Variants in SLC39A13 observed in about 807,000 individuals in gnomAD.
SLC39A13 encodes zinc transporter ZIP13.
A neutral mutation model predicts 38.7 loss-of-function variants in SLC39A13; 18 were observed. The observed-to-expected ratio is 0.47, with a 90% CI of 0.32 to 0.69. The LOEUF is 0.69. SLC39A13 is among the 30% of genes least tolerant of loss of function. The pLI is 0.03. For synonymous variants in SLC39A13, 212 were observed against 219.1 expected, an observed-to-expected ratio of 0.97 and a Z score of 0.29; for missense variants, 395 against 490.7, an observed-to-expected ratio of 0.80 and a Z score of 1.84.
Position 47,415,643 on chromosome 11 carries a change from T to C in SLC39A13, c.*280T>C. ...ACCTCTCCTTGCCGCCCTGTCACCT[T>C]CACCTCCCGGAGTAAGCAGCGAGGA... is the stretch of plus-strand genomic sequence containing the variant. On this transcript the variant is annotated 3_prime_UTR_variant, in exon 10 of 10. Coordinates refer to ENST00000362021, the MANE Select transcript of SLC39A13 (RefSeq NM_001128225.3). The C allele has an allele frequency of 1.7e-6, 1 of 571,442 alleles. No individual in the cohort carries two copies. The highest frequency in any genetic ancestry group is 3.1e-5 in the East Asian group (1 of 31,782). The allele number at this position is 571,442 out of a possible 1,614,324, so 35.4% of individuals were successfully genotyped here.
Position 47,410,259 on chromosome 11 carries a change from C to CT in SLC39A13, c.166dup (p.Trp56LeufsTer86), listed in dbSNP as rs1565660381. 1.2e-6 allele frequency: 2 copies of CT among 1,614,158 alleles called. No homozygotes were observed. The highest frequency in any genetic ancestry group is 1.7e-6 in the Non-Finnish European group (2 of 1,180,016). On this transcript the variant is annotated frameshift_variant, in exon 2 of 10. Transcript: ENST00000362021. LOFTEE classifies it high-confidence loss of function. ...GCCTGGACAACAAGGAAAGCGAGTC[C>CT]TGGGGGGCTCTGCTGAGCGGAGAGC...
intron 4 of SLC39A13, among the ~76,000 whole-genome samples, chr11:47,413,090 C>A (rs756268768): frequency 6.6e-6 from 1 of 151,470 alleles, no homozygotes; most frequent in South Asian, 2.1e-4. Flanking sequence ...GGCGCGATCT[C>A]GGCTCACTAC....
At position 47,410,211 on chromosome 11, in the gene SLC39A13, C is replaced by T; in HGVS notation, c.117C>T (p.Ser39=). 6.2e-7 allele frequency: 1 copy of T among 1,613,960 alleles called. No individual in the cohort carries two copies. Among genetic ancestry groups the T allele is most frequent in the Non-Finnish European group, 8.5e-7 (1 of 1,180,014 alleles). Residue 39 remains serine (S), a synonymous_variant, in exon 2 of 10, where the codon AGC becomes AGT. Coordinates refer to ENST00000362021, the MANE Select transcript of SLC39A13 (RefSeq NM_001128225.3). The part of the protein sequence containing the change: ...RAGGSQPALR[S]RGTATACRLD... ...GGGGTTCCCAGCCGGCCCTCCGGAG[C>T]CGGGGGACTGCGACGGCCTGTCGCC...
At position 47,416,138 on chromosome 11, in the gene SLC39A13, C is replaced by T. The variant is rs893499229; in HGVS notation, c.*775C>T. 1 of 153,626 alleles carries T rather than the reference C, an allele frequency of 6.5e-6. No individual in the cohort carries two copies. Among genetic ancestry groups the T allele is most frequent in the African/African-American group, 2.4e-5 (1 of 41,460 alleles). 9.5% of individuals were successfully genotyped at this position (153,626 alleles called of 1,614,324 possible). A position where few individuals can be genotyped will look rare whatever the true frequency, so the allele number is the denominator to read the frequency against. ...AGGGATGCTCCTGCCAGCACAGGGG[C>T]CAGGGACTCCTGGAGCAGGCACATA... is the stretch of plus-strand genomic sequence containing the variant. On this transcript the variant is annotated 3_prime_UTR_variant, in exon 10 of 10. Transcript: ENST00000362021.
chr11:47,411,738 CATG>C (rs2153295151), intron 2 of SLC39A13, among the ~76,000 whole-genome samples, 185 bp from the exon 3 acceptor site: 1 of 152,268 alleles, frequency 6.6e-6, no homozygotes, highest in Non-Finnish European at 1.5e-5. Context: ...TTCACCATGA[CATG>C]GTGGTGGCCC....
In SLC39A13 at chr11:47,414,481, C is replaced by T. The variant is rs779162662; in HGVS notation, c.786+6C>T. Reference sequence around the variant, plus strand: ...TGCATGAGATCCCCCATGAGGTGAGCGCTTGTAGGGCAGCCCCCAGGGGCC... The same window carrying T: ...TGCATGAGATCCCCCATGAGGTGAGTGCTTGTAGGGCAGCCCCCAGGGGCC... On this transcript the variant is annotated splice_donor_region_variant and intron_variant, in intron 7 of 9. Transcript: ENST00000362021. The T allele has an allele frequency of 9.9e-5, 160 of 1,611,864 alleles. No homozygotes were observed. The highest frequency in any genetic ancestry group is 9.6e-4 in the South Asian group (87 of 90,648).
rs2096023631 is a variant in SLC39A13, at chr11:47,415,573, G to T, written c.*210G>T. 4.5e-6 allele frequency: 3 copies of T among 666,132 alleles called. No homozygotes were observed. Among genetic ancestry groups the T allele is most frequent in the South Asian group, 1.7e-5 (1 of 58,464 alleles). 41.3% of individuals were successfully genotyped at this position (666,132 alleles called of 1,614,324 possible). A position where few individuals can be genotyped will look rare whatever the true frequency, so the allele number is the denominator to read the frequency against. On this transcript the variant is annotated 3_prime_UTR_variant, in exon 10 of 10. Coordinates refer to ENST00000362021, the MANE Select transcript of SLC39A13 (RefSeq NM_001128225.3). ...GACCGACACTGTGATCCCTGTGCTG[G>T]GTCCGGGGCCCAGTGTAGCGCCTGT...
At chr11:47,408,562 G>A (rs1455684337), upstream of SLC39A13, 4 of 146,444 alleles carry the variant, frequency 2.7e-5, no homozygotes, top group Admixed American at 6.8e-5. Context: ...CGGGCCGGGG[G>A]CCGGGCGGCC....
At chr11:47,413,052 C>T (rs993114698) in intron 4 of SLC39A13, among the ~76,000 whole-genome samples, 5 of 151,812 alleles carry the variant, frequency 3.3e-5, no homozygotes, top group African/African-American at 7.3e-5. Context: ...AGAAGAGTCT[C>T]GCTCTGTCAC....
In SLC39A13 at chr11:47,414,927, G is replaced by C. The variant is rs756758523; in HGVS notation, c.919+18G>C. On this transcript the variant is annotated intron_variant, in intron 8 of 9. Coordinates refer to ENST00000362021, the MANE Select transcript of SLC39A13 (RefSeq NM_001128225.3). ...GGGAGTAGGTACGGGCGTGGCGGGT[G>C]GTTGTGGCGGGTGGCATCAGCAGAG... 3 of 1,604,940 alleles carry C rather than the reference G, an allele frequency of 1.9e-6. No individual in the cohort carries two copies. The highest frequency in any genetic ancestry group is 2.2e-5 in the East Asian group (1 of 44,844).
At position 47,415,053 on chromosome 11, in the gene SLC39A13, G is replaced by T. The variant is rs749499150; in HGVS notation, c.934G>T (p.Ala312Ser). ...SPKGVVGCSP[A>S]AEETAAWVLP... ...TGGGTACCCAGTTGGGTGTTCTCCCGCTGCAGAGGAGACGGCAGCCTGGGT... is the reference window on the plus strand; with the variant it reads ...TGGGTACCCAGTTGGGTGTTCTCCCTCTGCAGAGGAGACGGCAGCCTGGGT... The change falls in exon 9 of 10, where the codon GCT (alanine) becomes TCT (serine). Residue 312 changes from alanine to serine, a missense_variant. Transcript: ENST00000362021. The T allele has an allele frequency of 2.5e-6, 4 of 1,613,286 alleles. No individual in the cohort carries two copies. The highest frequency in any genetic ancestry group is 2.5e-6 in the Non-Finnish European group (3 of 1,179,652).
chr11:47,413,835 G>A, intron 6 of SLC39A13, 149 bp downstream of exon 6: 1 of 869,126 alleles, frequency 1.2e-6, no homozygotes, highest in Non-Finnish European at 1.9e-6. Context: ...TGCTGTCCTG[G>A]CCGCCACTGT....
intron 4 of SLC39A13, 86 bp downstream of exon 4, chr11:47,412,553 G>A (rs1224456049): frequency 5.1e-5 from 82 of 1,600,514 alleles, no homozygotes; most frequent in Non-Finnish European, 6.9e-5. Flanking sequence ...TCTGAGTTGA[G>A]CCCTGAAAAG....
Position 47,416,419 on chromosome 11 carries a change from AG to A in SLC39A13, c.*1057del. ...CATCGAGAGGTCTGGATGGTTTTAT[AG>A]CAACTTTGCTGTGATTCCGTTTGTA... is the stretch of plus-strand genomic sequence containing the variant. On this transcript the variant is annotated 3_prime_UTR_variant, in exon 10 of 10. Coordinates refer to ENST00000362021, the MANE Select transcript of SLC39A13 (RefSeq NM_001128225.3). 1 of 152,532 alleles carries A rather than the reference AG, an allele frequency of 6.6e-6. No individual in the cohort carries two copies. Among genetic ancestry groups the A allele is most frequent in the Admixed American group, 6.5e-5 (1 of 15,310 alleles). 9.4% of individuals were successfully genotyped at this position (152,532 alleles called of 1,614,324 possible).
chr11:47,411,466 G>A (rs1216338278), intron 2 of SLC39A13, among the ~76,000 whole-genome samples: 1 of 152,172 alleles, frequency 6.6e-6, no homozygotes, highest in Non-Finnish European at 1.5e-5. Context: ...TTAGCCGGAT[G>A]TGGTGGCACA....
At chr11:47,408,835 C>T in intron 1 of SLC39A13, 173 bp downstream of exon 1, 1 of 152,902 alleles carries the variant, frequency 6.5e-6, no homozygotes, top group Non-Finnish European at 1.5e-5. Context: ...ACGCCCCATC[C>T]CTCCCTCGCT....
At chr11:47,414,604 G>A in intron 7 of SLC39A13, 129 bp downstream of exon 7, 1 of 1,491,880 alleles carries the variant, frequency 6.7e-7, no homozygotes, top group Non-Finnish European at 9.2e-7. Flanking sequence ...GGGCTGTGAG[G>A]GCTGGAGCTC....
Position 47,414,848 on chromosome 11 carries a change from A to G in SLC39A13, c.858A>G (p.Thr286=). The G allele has an allele frequency of 6.2e-7, 1 of 1,612,626 alleles. No homozygotes were observed. The highest frequency in any genetic ancestry group is 8.5e-7 in the Non-Finnish European group (1 of 1,179,992). The change falls in exon 8 of 10, where the codon ACA becomes ACG. Residue 286 remains threonine (T), a synonymous_variant. Transcript: ENST00000362021. ...RWSAAKLQLS[T]ALGGLLGAGF... ...GCGCAGCCAAGCTGCAACTCTCAACAGCGCTGGGGGGCCTACTGGGCGCTG... is the reference window on the plus strand; with the variant it reads ...GCGCAGCCAAGCTGCAACTCTCAACGGCGCTGGGGGGCCTACTGGGCGCTG...
chr11:47,408,754 G>T (rs2095982435), intron 1 of SLC39A13, 92 bp downstream of exon 1: 2 of 152,658 alleles, frequency 1.3e-5, no homozygotes, highest in South Asian at 1.9e-4. Flanking sequence ...CATCAGACCT[G>T]GGCCGGCTCC....
Sources: gnomAD v4.1 joint callset for allele counts (sites outside exome capture counted in the v4.1 genomes callset) on GRCh38, gnomAD v4.1.1 for gene constraint, MANE v1.5 for transcripts, NCBI Gene and HGNC (gene_info 2026-07-23, HGNC 2026-07-21) for gene names.